Variants in TENM3 observed in about 807,000 individuals in gnomAD.
TENM3 encodes the protein teneurin transmembrane protein 3.
In TENM3, 63 loss-of-function variants were observed where a neutral mutation model predicts 255.1. The observed-to-expected ratio is 0.25, with a 90% CI of 0.20 to 0.30. TENM3 has a LOEUF of 0.30. Ranked by LOEUF, TENM3 falls within the 10% of genes least tolerant of loss-of-function variation. The probability of loss-of-function intolerance (pLI) is 1.00; values close to 1 mark genes in which losing one functional copy is unlikely to be tolerated. For synonymous variants in TENM3, 1,306 were observed against 1,322.3 expected, an observed-to-expected ratio of 0.99 and a Z score of 0.27; for missense variants, 2,929 against 3,461.1, an observed-to-expected ratio of 0.85 and a Z score of 3.86.
At chr4:181,707,112 A>G in the TENM3 span, among the ~76,000 whole-genome samples, 1 of 152,218 alleles carries the variant, frequency 6.6e-6, no homozygotes, top group Non-Finnish European at 1.5e-5. Flanking sequence ...GTGGGCTCTT[A>G]GAGCCCAGCA....
chr4:181,529,660 TACTG>T, the TENM3 span, among the ~76,000 whole-genome samples: 5 of 152,176 alleles, frequency 3.3e-5, no homozygotes, highest in South Asian at 2.1e-4. Context: ...AGATACCACT[TACTG>T]ACCAGATAAC....
At chr4:181,594,301 C>T in the TENM3 span, among the ~76,000 whole-genome samples, 130 of 152,076 alleles carry the variant, frequency 8.5e-4, no homozygotes, top group Admixed American at 1.2e-3. Flanking sequence ...TCAAAAAAAC[C>T]ATAGCAATTT....
intron 1 of TENM3, among the ~76,000 whole-genome samples, chr4:182,292,406 T>C (rs905442746): frequency 1.3e-5 from 2 of 152,212 alleles, no homozygotes; most frequent in African/African-American, 2.4e-5. Context: ...CAGAGTTAGA[T>C]TTTTGTCCCT....
chr4:182,515,935 T>G (rs1296858217), intron 3 of TENM3, among the ~76,000 whole-genome samples: 1 of 152,224 alleles, frequency 6.6e-6, no homozygotes, highest in Non-Finnish European at 1.5e-5. Flanking sequence ...AATGACCACA[T>G]TTTCACCCTA....
At chr4:181,867,827 T>G in the TENM3 span, among the ~76,000 whole-genome samples, 1 of 152,286 alleles carries the variant, frequency 6.6e-6, no homozygotes, top group South Asian at 2.1e-4. Flanking sequence ...AGAACACACC[T>G]TTTTGGTAAG....
At chr4:182,798,901 T>C (rs1054787987) in intron 27 of TENM3, among the ~76,000 whole-genome samples, 1 of 152,208 alleles carries the variant, frequency 6.6e-6, no homozygotes, top group Non-Finnish European at 1.5e-5. Context: ...CATCTGGTGG[T>C]ATAAGAAATG....
the TENM3 span, among the ~76,000 whole-genome samples, chr4:181,717,955 T>C: frequency 6.6e-6 from 1 of 152,222 alleles, no homozygotes; most frequent in African/African-American, 2.4e-5. Context: ...CAGTGTTCTC[T>C]TCTTATAGCA....
chr4:182,739,171 G>C (rs564813212), intron 18 of TENM3, among the ~76,000 whole-genome samples: 5 of 152,132 alleles, frequency 3.3e-5, no homozygotes, highest in African/African-American at 1.2e-4. Flanking sequence ...AAAAAAGCAA[G>C]AATCAAAAGC....
Position 182,793,240 on chromosome 4 carries a change from C to A in TENM3, c.6568C>A (p.Arg2190=). ...RITRLGDVQY[R]LDEDGFLRQR... ...CACTCGACTGGGTGATGTTCAATATCGGTTGGATGAAGATGGTTTCCTACG... is the reference window on the plus strand; with the variant it reads ...CACTCGACTGGGTGATGTTCAATATAGGTTGGATGAAGATGGTTTCCTACG... The change falls in exon 26 of 28, where the codon CGG becomes AGG. Residue 2190 remains arginine (R), a synonymous_variant. Coordinates refer to ENST00000511685, the MANE Select transcript of TENM3 (RefSeq NM_001080477.4). This position sits in a 1 kb window ranked among gnomAD's most constrained non-coding sequence, Gnocchi z 5.7. 1 of 1,613,812 alleles carries A rather than the reference C, an allele frequency of 6.2e-7. No individual in the cohort carries two copies. Among genetic ancestry groups the A allele is most frequent in the Non-Finnish European group, 8.5e-7 (1 of 1,179,790 alleles).
At chr4:182,325,856 C>A (rs1052328421) in intron 2 of TENM3, among the ~76,000 whole-genome samples, 1 of 152,188 alleles carries the variant, frequency 6.6e-6, no homozygotes, top group African/African-American at 2.4e-5. Context: ...CCCCGGTTAT[C>A]TCCACACCAG....
the TENM3 span, among the ~76,000 whole-genome samples, chr4:181,948,002 G>GA: frequency 2.0e-5 from 3 of 150,836 alleles, no homozygotes; most frequent in African/African-American, 4.9e-5. Context: ...TTGGGAAGGG[G>GA]AAAAAAAAAT....
chr4:181,612,890 T>C, the TENM3 span, among the ~76,000 whole-genome samples: 1 of 152,190 alleles, frequency 6.6e-6, no homozygotes, highest in Non-Finnish European at 1.5e-5. Flanking sequence ...TCATACCAAT[T>C]TGAGGGACGT....
intron 3 of TENM3, among the ~76,000 whole-genome samples, chr4:182,362,931 A>G (rs1342467261): frequency 6.6e-6 from 1 of 152,132 alleles, no homozygotes; most frequent in East Asian, 1.9e-4. Flanking sequence ...TACATAATTA[A>G]TTTGGTGTTT....
At chr4:182,779,955 G>C (rs1765032763) in intron 24 of TENM3, among the ~76,000 whole-genome samples, 2 of 150,874 alleles carry the variant, frequency 1.3e-5, no homozygotes, top group Admixed American at 1.3e-4. Flanking sequence ...CTGGATATTA[G>C]CCCTTTGTCA....
chr4:182,210,973 G>T (rs977521427), intron 1 of TENM3, among the ~76,000 whole-genome samples: 1 of 152,128 alleles, frequency 6.6e-6, no homozygotes, highest in Non-Finnish European at 1.5e-5. Context: ...TCCTATAGGT[G>T]GTCTTCCCTC....
At chr4:181,903,726 G>GC in the TENM3 span, among the ~76,000 whole-genome samples, 1 of 152,136 alleles carries the variant, frequency 6.6e-6, no homozygotes, top group Non-Finnish European at 1.5e-5. Context: ...TTCCTTCCTT[G>GC]CAAGTCAAGA....
At chr4:181,659,613 C>A in the TENM3 span, among the ~76,000 whole-genome samples, 2 of 152,128 alleles carry the variant, frequency 1.3e-5, no homozygotes, top group Non-Finnish European at 2.9e-5. Flanking sequence ...AAAGGTAAAT[C>A]TTCTAACAGC....
At chr4:181,703,983 G>A in the TENM3 span, among the ~76,000 whole-genome samples, 13 of 152,100 alleles carry the variant, frequency 8.5e-5, no homozygotes, top group African/African-American at 2.9e-4. Flanking sequence ...GTCCAGGAAC[G>A]GAATGACACA....
At chr4:182,019,119 C>T in the TENM3 span, among the ~76,000 whole-genome samples, 4,908 of 152,284 alleles carry the variant, frequency 0.032, 324 homozygotes, top group East Asian at 0.31. Flanking sequence ...TTTCCCTTTC[C>T]ATTTCTGAAG....
Sources: allele counts gnomAD v4.1 joint callset (sites outside exome capture counted in the v4.1 genomes callset), GRCh38; gene constraint gnomAD v4.1.1; non-coding constraint Gnocchi (gnomAD v3.1); transcripts MANE v1.5; gene names NCBI Gene and HGNC (gene_info 2026-07-23, HGNC 2026-07-21).